Variants in ARHGAP15 observed in about 807,000 individuals in gnomAD.
ARHGAP15 encodes Rho GTPase activating protein 15, also known as rho GTPase-activating protein 15.
Under a neutral mutation model 63.7 loss-of-function variants are expected in ARHGAP15, and 51 were observed. That is an observed-to-expected ratio of 0.80 (90% CI 0.64 to 1.01). ARHGAP15 has a LOEUF of 1.01. ARHGAP15 is among the 50% of genes least tolerant of loss of function. ARHGAP15 has a pLI of 0.00. For synonymous variants in ARHGAP15, 191 were observed against 193.8 expected (o/e 0.99, Z 0.12); for missense variants, 560 against 564.6 (o/e 0.99, Z 0.08).
intron 2 of ARHGAP15, among the ~76,000 whole-genome samples, chr2:143,180,735 G>A (rs1352743483): frequency 9.2e-5 from 14 of 152,098 alleles, no homozygotes; most frequent in Admixed American, 1.3e-4. Flanking sequence ...GTACAGTGGC[G>A]TGATCTCGGC....
intron 13 of ARHGAP15, among the ~76,000 whole-genome samples, chr2:143,723,844 C>A (rs1685167113): frequency 6.6e-6 from 1 of 152,134 alleles, no homozygotes; most frequent in Non-Finnish European, 1.5e-5. Flanking sequence ...TGTAAATTAT[C>A]CAGTTGCCAA....
chr2:143,297,505 C>T (rs1682690505), intron 6 of ARHGAP15, among the ~76,000 whole-genome samples: 1 of 151,930 alleles, frequency 6.6e-6, no homozygotes, highest in Non-Finnish European at 1.5e-5. Context: ...TCCTTGTTCT[C>T]CTTTACCCCC....
At chr2:143,521,697 A>G (rs909915335) in intron 10 of ARHGAP15, among the ~76,000 whole-genome samples, 3 of 152,124 alleles carry the variant, frequency 2.0e-5, no homozygotes, top group Non-Finnish European at 4.4e-5. Context: ...AATGAAAACT[A>G]TGTGTTTACT....
intron 3 of ARHGAP15, among the ~76,000 whole-genome samples, chr2:143,207,790 C>T (rs1692399481): frequency 6.6e-6 from 1 of 152,100 alleles, no homozygotes; most frequent in Non-Finnish European, 1.5e-5. Flanking sequence ...ACCCATTCCC[C>T]CAGACAGAAA....
At chr2:143,466,283 A>G (rs1691207060) in intron 8 of ARHGAP15, among the ~76,000 whole-genome samples, 1 of 152,082 alleles carries the variant, frequency 6.6e-6, no homozygotes. Context: ...TTTTATGGGC[A>G]CAATCTTATT....
intron 13 of ARHGAP15, among the ~76,000 whole-genome samples, chr2:143,733,175 T>G (rs1337430689): frequency 6.6e-6 from 1 of 152,148 alleles, no homozygotes; most frequent in Non-Finnish European, 1.5e-5. Context: ...GGAGGTCAGT[T>G]GGGAGAAGAG....
intron 2 of ARHGAP15, among the ~76,000 whole-genome samples, chr2:143,166,515 A>G (rs894154209): frequency 1.3e-5 from 2 of 152,112 alleles, no homozygotes; most frequent in African/African-American, 4.8e-5. Context: ...GGTTACATTC[A>G]AGTGAGGTAG....
intron 1 of ARHGAP15, among the ~76,000 whole-genome samples, chr2:143,131,918 C>T (rs1222375085): frequency 6.6e-6 from 1 of 151,930 alleles, no homozygotes; most frequent in Non-Finnish European, 1.5e-5. Context: ...GGAAGTGTCT[C>T]ATATGAAGGA....
At chr2:143,451,550 T>A (rs1277820700) in intron 8 of ARHGAP15, among the ~76,000 whole-genome samples, 3 of 151,808 alleles carry the variant, frequency 2.0e-5, no homozygotes, top group Admixed American at 6.6e-5. Context: ...TATGAAAAAA[T>A]TAGAATTGAA....
intron 6 of ARHGAP15, among the ~76,000 whole-genome samples, chr2:143,329,227 G>A (rs536085799): frequency 6.6e-6 from 1 of 152,296 alleles, no homozygotes; most frequent in Admixed American, 6.5e-5. Context: ...ACATTTTATG[G>A]CAATGGTGAA....
rs1220532241 is a variant in ARHGAP15 at position 143,389,167 on chromosome 2, T to C, written c.475-46434T>C. Among the ~76,000 whole-genome samples, 4 of 151,452 alleles carry C rather than the reference T, an allele frequency of 2.6e-5. No homozygotes were observed. In the East Asian group the frequency reaches 7.8e-4, roughly 29 times the overall value. On this transcript the variant is annotated intron_variant, in intron 6 of 13. Transcript: ENST00000295095. ...TTATTATTATTTTACAAATTGTATT[T>C]AGTATGTGTTTTTGAAACACAAAAC... is the stretch of plus-strand genomic sequence containing the variant.
chr2:143,449,211 A>G (rs774945903), intron 8 of ARHGAP15, among the ~76,000 whole-genome samples: 21 of 152,104 alleles, frequency 1.4e-4, no homozygotes, highest in Non-Finnish European at 2.6e-4. Context: ...AAGAACAGCA[A>G]CAATATCAAA....
intron 13 of ARHGAP15, 29 bp from the exon 14 acceptor site, chr2:143,767,960 A>AAATT: frequency 6.3e-7 from 1 of 1,598,772 alleles, no homozygotes. Flanking sequence ...AACTCCAGTG[A>AAATT]AATTATTTTT....
chr2:143,460,348 G>A (rs1690875658), intron 8 of ARHGAP15, among the ~76,000 whole-genome samples: 1 of 152,094 alleles, frequency 6.6e-6, no homozygotes, highest in Non-Finnish European at 1.5e-5. Flanking sequence ...ACCAGCCCTT[G>A]ACATGTGACT....
At chr2:143,435,188 T>G (rs1313419470) in intron 6 of ARHGAP15, 3 of 863,596 alleles carry the variant, frequency 3.5e-6, no homozygotes, top group Non-Finnish European at 4.2e-6. Flanking sequence ...AAATCAAATA[T>G]AGAGATACTA....
rs140515755 is a variant in ARHGAP15 at position 143,447,587 on chromosome 2, A to G, written c.703+10545A>G. ...GCTTAAACCAGGACCACTCTATTCC[A>G]TTAGACTGCAAGTGCCTGGAGGTAT... On this transcript the variant is annotated intron_variant, in intron 8 of 13. Coordinates refer to ENST00000295095, the MANE Select transcript of ARHGAP15 (RefSeq NM_018460.4). 1.8e-3 allele frequency among the ~76,000 whole-genome samples: 271 copies of G among 152,314 alleles called. 1 individual carries two copies. Among genetic ancestry groups the G allele is most frequent in the African/African-American group, 6.1e-3 (253 of 41,576 alleles).
Position 143,768,322 on chromosome 2 carries a change from T to A in ARHGAP15, c.*150T>A, listed in dbSNP as rs981411505. The stretch of plus-strand genomic sequence containing the variant: ...CTTAATGATGATTTTGTGTTTAAGT[T>A]CCAAACATTTGAATAAAATAATTGA... On this transcript the variant is annotated 3_prime_UTR_variant, in exon 14 of 14. Coordinates refer to ENST00000295095, the MANE Select transcript of ARHGAP15 (RefSeq NM_018460.4). The A allele has an allele frequency of 1.3e-6, 1 of 751,056 alleles. No homozygotes were observed. The highest frequency in any genetic ancestry group is 2.1e-6 in the Non-Finnish European group (1 of 469,876). The allele number at this position is 751,056 out of a possible 1,614,324, so 46.5% of individuals were successfully genotyped here. A position where few individuals can be genotyped will look rare whatever the true frequency, so the allele number is the denominator to read the frequency against.
chr2:143,279,753 C>G (rs1031801004), intron 6 of ARHGAP15, among the ~76,000 whole-genome samples: 1 of 152,140 alleles, frequency 6.6e-6, no homozygotes, highest in Non-Finnish European at 1.5e-5. Context: ...GGACATTGAA[C>G]ACTTTCATTA....
chr2:143,471,033 A>G (rs941535845), intron 8 of ARHGAP15, among the ~76,000 whole-genome samples: 1 of 149,354 alleles, frequency 6.7e-6, no homozygotes, highest in Non-Finnish European at 1.5e-5. Context: ...ATGTGTGTAT[A>G]TATGCACACA....
Sources: gnomAD v4.1 joint callset for allele counts (sites outside exome capture counted in the v4.1 genomes callset) on GRCh38, gnomAD v4.1.1 for gene constraint, MANE v1.5 for transcripts, NCBI Gene and HGNC (gene_info 2026-07-23, HGNC 2026-07-21) for gene names.